CNTNAP2: variants seen among roughly 807,000 people sequenced by gnomAD.
CNTNAP2 encodes contactin-associated protein-like 2.
Under a neutral mutation model 155.2 loss-of-function variants are expected in CNTNAP2, and 98 were observed. The ratio of observed to expected loss-of-function variants is 0.63; its 90% CI spans 0.54 to 0.75. CNTNAP2 has a LOEUF of 0.75. Among genes scored for constraint, CNTNAP2 ranks in the 30% least tolerant of loss-of-function variants. The pLI, the probability that CNTNAP2 is intolerant of heterozygous loss-of-function variation, is 0.00. For synonymous variants in CNTNAP2, 651 were observed against 631.2 expected (o/e 1.03, Z -0.47); for missense variants, 1,727 against 1,688.1 (o/e 1.02, Z -0.40).
At chr7:146,929,557 T>C (rs1796697460) in intron 3 of CNTNAP2, among the ~76,000 whole-genome samples, 1 of 152,076 alleles carries the variant, frequency 6.6e-6, no homozygotes. Context: ...GGCACGCAGT[T>C]CCTCACCAGC....
Position 147,125,250 on chromosome 7 carries a change from C to T in CNTNAP2, c.940-3443C>T, listed in dbSNP as rs113907369. ...CAGGATGGTCTCGATCTCTTGGCCT[C>T]GTGATCTGCCCGCCTCAGCCTCCCA... is the stretch of plus-strand genomic sequence containing the variant. On this transcript the variant is annotated intron_variant, in intron 6 of 23. Transcript: ENST00000361727. 8.8e-3 allele frequency among the ~76,000 whole-genome samples: 1,343 copies of T among 152,128 alleles called. 15 individuals are homozygous for T. The highest frequency in any genetic ancestry group is 0.031 in the African/African-American group (1,294 of 41,516).
chr7:147,534,411 G>C (rs913383488), intron 11 of CNTNAP2, among the ~76,000 whole-genome samples: 31 of 152,238 alleles, frequency 2.0e-4, no homozygotes, highest in African/African-American at 7.0e-4. Flanking sequence ...TAACAAGTTA[G>C]AGCTCAATTT....
At chr7:146,918,734 A>G (rs889254712) in intron 3 of CNTNAP2, among the ~76,000 whole-genome samples, 1 of 152,234 alleles carries the variant, frequency 6.6e-6, no homozygotes, top group Non-Finnish European at 1.5e-5. Context: ...ATCCCCAGCA[A>G]GGTCAGGGAA....
At chr7:146,622,131 A>ATATATATATATACACACACG (rs1156766734) in intron 1 of CNTNAP2, among the ~76,000 whole-genome samples, 3 of 23,386 alleles carry the variant, frequency 1.3e-4, no homozygotes, top group South Asian at 1.4e-3. Flanking sequence ...ATGTATGTGT[A>ATATATATATATACACACACG]TATATATATA....
chr7:146,131,372 G>A (rs1243293188), intron 1 of CNTNAP2, among the ~76,000 whole-genome samples: 1 of 152,124 alleles, frequency 6.6e-6, no homozygotes, highest in Non-Finnish European at 1.5e-5. Context: ...GATATACAGA[G>A]TAAACTGATT....
chr7:146,830,868 G>C (rs1001872754), intron 2 of CNTNAP2, among the ~76,000 whole-genome samples: 1 of 152,142 alleles, frequency 6.6e-6, no homozygotes, highest in African/African-American at 2.4e-5. Flanking sequence ...AAAGCCTGTG[G>C]AACATCATTA....
chr7:147,379,566 C>T (rs2116929213), intron 9 of CNTNAP2, among the ~76,000 whole-genome samples: 1 of 152,078 alleles, frequency 6.6e-6, no homozygotes, highest in East Asian at 1.9e-4. Flanking sequence ...ATCCAATAGT[C>T]AGTGTAAATT....
chr7:146,431,652 GAGA>G, intron 1 of CNTNAP2, among the ~76,000 whole-genome samples: 1 of 152,082 alleles, frequency 6.6e-6, no homozygotes, highest in South Asian at 2.1e-4. Flanking sequence ...TTTTCATAAT[GAGA>G]AGACTGCGTT....
chr7:147,459,718 A>G (rs1797984437), intron 10 of CNTNAP2, among the ~76,000 whole-genome samples: 1 of 152,170 alleles, frequency 6.6e-6, no homozygotes, highest in South Asian at 2.1e-4. Context: ...CTCCAACAAG[A>G]ACTTCCACAT....
At chr7:146,475,212 A>C (rs1481383805) in intron 1 of CNTNAP2, among the ~76,000 whole-genome samples, 1 of 152,188 alleles carries the variant, frequency 6.6e-6, no homozygotes, top group East Asian at 1.9e-4. Context: ...TATGTTTTCT[A>C]GCTGTTCTTA....
chr7:147,268,830 GA>G (rs1804675049), intron 8 of CNTNAP2, among the ~76,000 whole-genome samples: 1 of 152,142 alleles, frequency 6.6e-6, no homozygotes, highest in Admixed American at 6.5e-5. Context: ...AATCGAAAAT[GA>G]AAGATTTTAT....
At chr7:147,838,497 C>A (rs766161356) in intron 13 of CNTNAP2, among the ~76,000 whole-genome samples, 2 of 152,148 alleles carry the variant, frequency 1.3e-5, no homozygotes, top group Non-Finnish European at 2.9e-5. Flanking sequence ...ACCCAAGTCA[C>A]CTCTTCAATG....
intron 8 of CNTNAP2, among the ~76,000 whole-genome samples, chr7:147,290,796 G>A (rs1431686948): frequency 6.6e-6 from 1 of 151,896 alleles, no homozygotes; most frequent in African/African-American, 2.4e-5. Flanking sequence ...AAGGCAAAGC[G>A]TTAGCTCAGT....
chr7:146,732,395 C>G (rs528879601), intron 1 of CNTNAP2, among the ~76,000 whole-genome samples: 1 of 152,224 alleles, frequency 6.6e-6, no homozygotes, highest in Non-Finnish European at 1.5e-5. Context: ...TTATCGTGTA[C>G]TCCTTGCTGC....
chr7:146,364,532 A>C (rs1015519358), intron 1 of CNTNAP2, among the ~76,000 whole-genome samples: 4 of 152,220 alleles, frequency 2.6e-5, no homozygotes, highest in Non-Finnish European at 5.9e-5. Flanking sequence ...CTGAAAATGT[A>C]GTGGTAATTA....
intron 13 of CNTNAP2, among the ~76,000 whole-genome samples, chr7:147,664,667 T>C (rs1477081255): frequency 6.6e-6 from 1 of 152,186 alleles, no homozygotes; most frequent in Non-Finnish European, 1.5e-5. Flanking sequence ...GAAATCTCTT[T>C]GAATCTACTC....
intron 9 of CNTNAP2, among the ~76,000 whole-genome samples, chr7:147,334,703 G>T (rs1795636151): frequency 6.6e-6 from 1 of 152,158 alleles, no homozygotes; most frequent in Non-Finnish European, 1.5e-5. Flanking sequence ...AACCCTCTCT[G>T]CAGTGTGACT....
intron 8 of CNTNAP2, among the ~76,000 whole-genome samples, chr7:147,282,524 C>A (rs1293578733): frequency 1.3e-5 from 2 of 151,622 alleles, no homozygotes; most frequent in Non-Finnish European, 2.9e-5. Context: ...TCTGGTTATA[C>A]TTTTTAGTCT....
intron 11 of CNTNAP2, among the ~76,000 whole-genome samples, chr7:147,527,644 T>C (rs1799351487): frequency 6.6e-6 from 1 of 152,248 alleles, no homozygotes; most frequent in Non-Finnish European, 1.5e-5. Flanking sequence ...ATTTAAATTA[T>C]AATGGCTTGA....
Sources: gnomAD v4.1 joint callset for allele counts (sites outside exome capture counted in the v4.1 genomes callset) on GRCh38, gnomAD v4.1.1 for gene constraint, MANE v1.5 for transcripts, NCBI Gene and HGNC (gene_info 2026-07-23, HGNC 2026-07-21) for gene names.